The following BAIAP2L1 variants were observed in gnomAD, a reference collection of about 807,000 sequenced individuals.
The protein encoded by BAIAP2L1 is BAR/IMD domain containing adaptor protein 2 like 1.
A neutral mutation model predicts 66.3 loss-of-function variants in BAIAP2L1; 35 were observed. That is an observed-to-expected ratio of 0.53 (90% CI 0.40 to 0.70). The LOEUF (loss-of-function observed/expected upper bound fraction) is 0.70. Among genes scored for constraint, BAIAP2L1 ranks in the 30% least tolerant of loss-of-function variants. The probability of loss-of-function intolerance (pLI) is 0.00; values close to 1 mark genes in which losing one functional copy is unlikely to be tolerated. For synonymous variants in BAIAP2L1, 269 were observed against 248.7 expected (o/e 1.08, Z -0.77); for missense variants, 622 against 656.9 (o/e 0.95, Z 0.58).
rs763264973 is a variant in BAIAP2L1 at position 98,304,311 on chromosome 7, G to C, written c.1307C>G (p.Pro436Arg). Reference protein sequence around the residue: ...LSENSSVVIPPPDYLECLSMG... With the variant: ...LSENSSVVIPRPDYLECLSMG... ...GGACAAGCATTCCAAGTAGTCGGGT[G>C]GGGGGATGACAACACTGCTATTCTC... The change falls in exon 12 of 14, where the codon CCA becomes CGA. Residue 436 changes from proline (P) to arginine (R), a missense_variant. Coordinates refer to ENST00000005260, the MANE Select transcript of BAIAP2L1 (RefSeq NM_018842.5). 9.9e-6 allele frequency: 16 copies of C among 1,611,192 alleles called. No homozygotes were observed. Among genetic ancestry groups the C allele is most frequent in the Non-Finnish European group, 1.4e-5 (16 of 1,177,992 alleles).
intron 12 of BAIAP2L1, among the ~76,000 whole-genome samples, chr7:98,296,146 C>T (rs563413371): frequency 3.4e-4 from 52 of 152,332 alleles, no homozygotes; most frequent in African/African-American, 1.2e-3. Context: ...ACGGGGCCAC[C>T]CCAGACAGCC....
chr7:98,315,761 C>T lies in BAIAP2L1; in HGVS notation c.487-149G>A, dbSNP rs79054125. On this transcript the variant is annotated intron_variant, in intron 6 of 13. Transcript: ENST00000005260. ...TACATGAGAGGAAAGAATGCTGTAA[C>T]CTGACCTAAGTAGATACCATCGTTC... 8.5e-3 allele frequency: 3,014 copies of T among 353,378 alleles called. 23 individuals carry two copies. The highest frequency in any genetic ancestry group is 0.011 in the Non-Finnish European group (2,267 of 214,110). The allele number at this position is 353,378 out of a possible 1,614,324, so 21.9% of individuals were successfully genotyped here.
intron 1 of BAIAP2L1, among the ~76,000 whole-genome samples, chr7:98,371,986 G>T (rs1270238552): frequency 6.6e-6 from 1 of 151,634 alleles, no homozygotes; most frequent in African/African-American, 2.4e-5. Flanking sequence ...AGAGAGACGG[G>T]GTTTCACCAG....
intron 3 of BAIAP2L1, among the ~76,000 whole-genome samples, chr7:98,339,731 C>A (rs1189805375): frequency 2.0e-5 from 3 of 152,232 alleles, no homozygotes; most frequent in Non-Finnish European, 4.4e-5. Context: ...TGCTCTCAAC[C>A]CCACTCCCCA....
intron 7 of BAIAP2L1, among the ~76,000 whole-genome samples, chr7:98,314,146 T>C (rs938713442): frequency 6.6e-6 from 1 of 151,682 alleles, no homozygotes; most frequent in African/African-American, 2.4e-5. Context: ...CCACATGTGA[T>C]TAATTTTTGT....
intron 3 of BAIAP2L1, among the ~76,000 whole-genome samples, chr7:98,347,956 G>A (rs112758337): frequency 0.16 from 24,460 of 151,776 alleles, 2,183 homozygotes; most frequent in South Asian, 0.3. Context: ...ATGGACATAG[G>A]GAGGGGAACA....
rs1800718521 is a variant in BAIAP2L1, at chr7:98,307,841, G to A, written c.1011C>T (p.Asn337=). 2 of 1,614,106 alleles carry A rather than the reference G, an allele frequency of 1.2e-6. No homozygotes were observed. The highest frequency in any genetic ancestry group is 1.7e-6 in the Non-Finnish European group (2 of 1,180,054). The change falls in exon 10 of 14, where the codon AAC becomes AAT. Residue 337 remains asparagine, a synonymous_variant. Transcript: ENST00000005260. ...TCTTCACTTTCTGCTTCTTCATCAT[G>A]TTCAGTCCCGTTGCAACCGAAACTG... The part of the protein sequence containing the change: ...QRSVSVATGL[N]MMKKQKVKTI...
chr7:98,370,917 T>C (rs189691872), intron 1 of BAIAP2L1, among the ~76,000 whole-genome samples: 2 of 152,306 alleles, frequency 1.3e-5, no homozygotes, highest in East Asian at 1.9e-4. Context: ...ATGCTGCCTT[T>C]GTATTCCAGA....
chr7:98,321,275 AT>A (rs1415271188), intron 3 of BAIAP2L1, among the ~76,000 whole-genome samples: 1 of 152,260 alleles, frequency 6.6e-6, no homozygotes, highest in Admixed American at 6.5e-5. Context: ...AACTCTAGGA[AT>A]AAAAAATGAT....
At chr7:98,347,939 T>C (rs1360124935) in intron 3 of BAIAP2L1, among the ~76,000 whole-genome samples, 1 of 151,768 alleles carries the variant, frequency 6.6e-6, no homozygotes, top group East Asian at 1.9e-4. Context: ...AGCTGAACAA[T>C]GAGAACATGG....
At chr7:98,310,797 G>A (rs538819982) in intron 8 of BAIAP2L1, among the ~76,000 whole-genome samples, 1 of 152,010 alleles carries the variant, frequency 6.6e-6, no homozygotes, top group African/African-American at 2.4e-5. Context: ...AGTGATTCTT[G>A]TGCCTCAGCC....
chr7:98,380,249 T>G (rs1258489018), intron 1 of BAIAP2L1, among the ~76,000 whole-genome samples: 1 of 151,924 alleles, frequency 6.6e-6, no homozygotes, highest in African/African-American at 2.4e-5. Flanking sequence ...ACCTAATTTT[T>G]AAATTTTTTC....
chr7:98,340,831 G>A (rs1236710593), intron 3 of BAIAP2L1, among the ~76,000 whole-genome samples: 1 of 142,680 alleles, frequency 7.0e-6, no homozygotes, highest in African/African-American at 2.6e-5. Flanking sequence ...GTTTCACTCT[G>A]TCACTCAGGC....
rs560810108 is a variant in BAIAP2L1, at chr7:98,304,164, G to C, written c.1422+32C>G. ...TCCCAGTCGGGGATGGCGAGTCCAG[G>C]ACCCAGGACGCCCTGCTGCGGCTTT... On this transcript the variant is annotated intron_variant, in intron 12 of 13. Transcript: ENST00000005260. The C allele has an allele frequency of 3.7e-5, 57 of 1,530,922 alleles. No homozygotes were observed. The East Asian group carries it at 1.3e-3, about 35-fold the overall frequency. 94.8% of individuals were successfully genotyped at this position (1,530,922 alleles called of 1,614,324 possible).
intron 3 of BAIAP2L1, among the ~76,000 whole-genome samples, chr7:98,354,227 C>T (rs1802069851): frequency 6.6e-6 from 1 of 151,864 alleles, no homozygotes; most frequent in African/African-American, 2.4e-5. Flanking sequence ...CCAAACAATC[C>T]TAAAAACCCT....
At chr7:98,333,328 T>C (rs997104463) in intron 3 of BAIAP2L1, among the ~76,000 whole-genome samples, 1 of 151,848 alleles carries the variant, frequency 6.6e-6, no homozygotes, top group Non-Finnish European at 1.5e-5. Flanking sequence ...CCAGGTGCGG[T>C]GGCTCACACC....
rs369399489 is a variant in BAIAP2L1 at position 98,340,774 on chromosome 7, AC to A, written c.214+14267del. 3.1e-4 allele frequency among the ~76,000 whole-genome samples: 46 copies of A among 150,394 alleles called. No homozygotes were observed. In the South Asian group the frequency reaches 9.6e-3, roughly 31 times the overall value. ...GCGCCTACACGACACATGGACTTCC[AC>A]AGTACATGCTCTTACAGGTTTTTTT... is the stretch of plus-strand genomic sequence containing the variant. On this transcript the variant is annotated intron_variant, in intron 3 of 13. Coordinates refer to ENST00000005260, the MANE Select transcript of BAIAP2L1 (RefSeq NM_018842.5).
chr7:98,337,196 C>T (rs1367376450), intron 3 of BAIAP2L1, among the ~76,000 whole-genome samples: 1 of 151,868 alleles, frequency 6.6e-6, no homozygotes, highest in Non-Finnish European at 1.5e-5. Context: ...TCTGAAAGAT[C>T]TCTGACCAAC....
intron 1 of BAIAP2L1, among the ~76,000 whole-genome samples, chr7:98,391,228 T>C (rs1462697294): frequency 1.3e-5 from 2 of 152,082 alleles, no homozygotes. Flanking sequence ...GGAGGTGAAA[T>C]ACTGGTTAGA....
Sources: allele counts gnomAD v4.1 joint callset (sites outside exome capture counted in the v4.1 genomes callset), GRCh38; gene constraint gnomAD v4.1.1; transcripts MANE v1.5; gene names NCBI Gene and HGNC (gene_info 2026-07-23, HGNC 2026-07-21).